Variants in SEC24C observed in about 807,000 individuals in gnomAD.
The protein encoded by SEC24C is protein transport protein Sec24C.
In SEC24C, 22 loss-of-function variants were observed where a neutral mutation model predicts 117.0. The observed-to-expected ratio is 0.19, with a 90% confidence interval of 0.13 to 0.27. The LOEUF is 0.27. Ranked by LOEUF, SEC24C falls within the 10% of genes least tolerant of loss-of-function variation. SEC24C has a pLI of 1.00. For synonymous variants in SEC24C, 506 were observed against 529.4 expected (o/e 0.96, Z 0.61); for missense variants, 1,155 against 1,375.1 (o/e 0.84, Z 2.53).
intron 6 of SEC24C, among the ~76,000 whole-genome samples, chr10:73,762,572 A>G (rs924543671): frequency 1.3e-5 from 2 of 152,198 alleles, no homozygotes; most frequent in Non-Finnish European, 2.9e-5. Context: ...TGGAGTAGGA[A>G]TGTACAGATT....
intron 3 of SEC24C, among the ~76,000 whole-genome samples, chr10:73,759,167 GC>G (rs1447024173): frequency 1.2e-4 from 18 of 151,882 alleles, no homozygotes; most frequent in African/African-American, 4.4e-4. Context: ...CTGCACTTCA[GC>G]CTGGGTGGCA....
rs368640437 is a variant in SEC24C at position 73,763,500 on chromosome 10, T to C, written c.998T>C (p.Ile333Thr). ...TGCACTTCTCTGCAGATTCAGGTCA[T>C]TGAAGATGACAGGAACAACCGGGGT... Reference protein sequence around the residue: ...PDAIPSPIQVIEDDRNNRGTE... With the variant: ...PDAIPSPIQVTEDDRNNRGTE... The change falls in exon 7 of 23, where the codon ATT (isoleucine) becomes ACT (threonine). Residue 333 changes from isoleucine (I) to threonine (T), a missense_variant. Ile to Thr is a moderately conservative substitution (Grantham distance 89, BLOSUM62 -1). Coordinates refer to ENST00000345254, the MANE Select transcript of SEC24C (RefSeq NM_198597.3). The C allele has an allele frequency of 6.2e-6, 10 of 1,610,902 alleles. No individual in the cohort carries two copies. The African/African-American group carries it at 1.1e-4, about 17-fold the overall frequency.
intron 1 of SEC24C, among the ~76,000 whole-genome samples, chr10:73,745,840 G>A (rs1312574009): frequency 1.3e-5 from 2 of 152,028 alleles, no homozygotes; most frequent in East Asian, 3.9e-4. Context: ...ATGAGCCACT[G>A]TGCCTGGCCA....
intron 3 of SEC24C, among the ~76,000 whole-genome samples, chr10:73,755,934 C>G (rs2082703938): frequency 6.6e-6 from 1 of 151,712 alleles, no homozygotes; most frequent in Non-Finnish European, 1.5e-5. Context: ...TCACTGCAAC[C>G]TCTACCTCCC....
intron 3 of SEC24C, chr10:73,751,577 A>ATAAT (rs2082643191): frequency 6.5e-6 from 1 of 154,244 alleles, no homozygotes. Flanking sequence ...AAATAAATAA[A>ATAAT]ATTGATCTGA....
chr10:73,750,022 G>T (rs1173612692), intron 2 of SEC24C, among the ~76,000 whole-genome samples: 1 of 152,180 alleles, frequency 6.6e-6, no homozygotes. Flanking sequence ...GGTAAGATTT[G>T]GGAAATAATG....
chr10:73,767,755 C>A, intron 14 of SEC24C, 82 bp from the exon 15 acceptor site: 2 of 1,070,340 alleles, frequency 1.9e-6, no homozygotes, highest in Non-Finnish European at 1.3e-6. Context: ...ATTTGAATAT[C>A]CCATGCTAGA....
chr10:73,751,390 A>G (rs2082640441), intron 3 of SEC24C, 147 bp downstream of exon 3: 1 of 696,540 alleles, frequency 1.4e-6, no homozygotes, highest in East Asian at 3.2e-5. Context: ...GCAAAACCCC[A>G]TCTCTTTTCT....
chr10:73,770,281 CAA>C lies in SEC24C; in HGVS notation c.2866_2867del (p.Lys956ValfsTer4). 6.2e-7 allele frequency: 1 copy of C among 1,600,518 alleles called. No individual in the cohort carries two copies. The highest frequency in any genetic ancestry group is 8.5e-7 in the Non-Finnish European group (1 of 1,172,556). ...TTTTGCTCCCTTCCTTTTGTCTAGACAAAGTCTCCCGTTGAGAGTACTACCGA... is the reference window on the plus strand; with the variant it reads ...TTTTGCTCCCTTCCTTTTGTCTAGACAGTCTCCCGTTGAGAGTACTACCGA... On this transcript the variant is annotated frameshift_variant and splice_region_variant, in exon 21 of 23. Transcript: ENST00000345254. LOFTEE classifies it high-confidence loss of function.
chr10:73,761,981 TG>T, intron 6 of SEC24C: 1 of 595,404 alleles, frequency 1.7e-6, no homozygotes, highest in Non-Finnish European at 2.7e-6. Flanking sequence ...CAATATGAGC[TG>T]GGCTCCAGCT....
Position 73,763,512 on chromosome 10 carries a change from G to A in SEC24C, c.1010G>A (p.Arg337Lys), listed in dbSNP as rs2082828587. ...CAGATTCAGGTCATTGAAGATGACAGGAACAACCGGGGTACAGAGCCATTT... is the reference window on the plus strand; with the variant it reads ...CAGATTCAGGTCATTGAAGATGACAAGAACAACCGGGGTACAGAGCCATTT... ...PSPIQVIEDD[R>K]NNRGTEPFVT... The change falls in exon 7 of 23, where the codon AGG (arginine) becomes AAG (lysine). Residue 337 changes from arginine to lysine, a missense_variant. Physicochemically the swap from Arg to Lys is conservative, Grantham distance 26. Around this residue, in one of 2 missense-constraint regions of SEC24C, gnomAD observed 759 missense variants for 992.3 expected, o/e 0.76. Transcript: ENST00000345254. 1 of 1,613,020 alleles carries A rather than the reference G, an allele frequency of 6.2e-7. No homozygotes were observed. Among genetic ancestry groups the A allele is most frequent in the Non-Finnish European group, 8.5e-7 (1 of 1,179,280 alleles).
intron 4 of SEC24C, 42 bp downstream of exon 4, chr10:73,759,836 AG>A (rs2082768954): frequency 1.3e-6 from 2 of 1,515,536 alleles, no homozygotes; most frequent in East Asian, 4.6e-5. Flanking sequence ...TCCCCTGTTC[AG>A]AGGCATCAGA....
In SEC24C at chr10:73,751,235, G is replaced by A. The variant is rs755146407; in HGVS notation, c.300G>A (p.Gln100=). The change falls in exon 3 of 23, where the codon CAG becomes CAA. Residue 100 remains glutamine, a synonymous_variant. Transcript: ENST00000345254. Reference sequence around the variant, plus strand: ...AGAATGGGCCAAGCTCCACTGTTCAGATGCAAAGGTAGGTACTTGGTCAAT... The same window carrying A: ...AGAATGGGCCAAGCTCCACTGTTCAAATGCAAAGGTAGGTACTTGGTCAAT... ...DVQNGPSSTV[Q]MQRLPGSQPF... is the part of the protein sequence containing the mutation. 26 of 1,613,610 alleles carry A rather than the reference G, an allele frequency of 1.6e-5. No homozygotes were observed. The highest frequency in any genetic ancestry group is 1.6e-4 in the Middle Eastern group (1 of 6,082).
chr10:73,746,814 A>G lies in SEC24C; in HGVS notation c.-19A>G. On this transcript the variant is annotated 5_prime_UTR_variant, in exon 2 of 23. Coordinates refer to ENST00000345254, the MANE Select transcript of SEC24C (RefSeq NM_198597.3). The stretch of plus-strand genomic sequence containing the variant: ...CTCCTCTCTCTCACAGGTGAGATCA[A>G]ATTGGGAATGCTTTCATAATGAACG... The G allele has an allele frequency of 6.3e-7, 1 of 1,591,230 alleles. No homozygotes were observed. Among genetic ancestry groups the G allele is most frequent in the Non-Finnish European group, 8.6e-7 (1 of 1,165,508 alleles).
rs191772843 is a variant in SEC24C, at chr10:73,752,551, T to A, written c.308+1308T>A. ...GAACACACATTTTAAGCATTGAATG[T>A]AAGCCTGGGTAAGTCAAACAAGTGG... On this transcript the variant is annotated intron_variant, in intron 3 of 22. Transcript: ENST00000345254. 3.2e-3 allele frequency among the ~76,000 whole-genome samples: 488 copies of A among 152,332 alleles called. 2 individuals carry two copies. The highest frequency in any genetic ancestry group is 6.8e-3 in the Middle Eastern group (2 of 294).
At chr10:73,746,642 A>G in intron 1 of SEC24C, 163 bp from the exon 2 acceptor site, 1 of 483,970 alleles carries the variant, frequency 2.1e-6, no homozygotes, top group Non-Finnish European at 3.6e-6. Context: ...GATAATCTGA[A>G]TGCTGGCTGG....
At chr10:73,761,833 G>A (rs2082801995) in intron 6 of SEC24C, among the ~76,000 whole-genome samples, 2 of 152,024 alleles carry the variant, frequency 1.3e-5, no homozygotes. Context: ...TTCAGCCTCA[G>A]CCCCTCCCTG....
chr10:73,759,841 C>CCTCTG, intron 4 of SEC24C, 47 bp downstream of exon 4: 1 of 1,508,970 alleles, frequency 6.6e-7, no homozygotes, highest in Non-Finnish European at 8.9e-7. Context: ...TGTTCAGAGG[C>CCTCTG]ATCAGACTCT....
At chr10:73,767,195 G>A (rs767183652) in intron 14 of SEC24C, 25 bp downstream of exon 14, 1 of 1,507,508 alleles carries the variant, frequency 6.6e-7, no homozygotes. Context: ...AATGGGGGAG[G>A]GGAAGGATTT....
Sources: allele counts gnomAD v4.1 joint callset (sites outside exome capture counted in the v4.1 genomes callset), GRCh38; gene constraint gnomAD v4.1.1; regional missense constraint gnomAD v4.1.1; transcripts MANE v1.5; gene names NCBI Gene and HGNC (gene_info 2026-07-23, HGNC 2026-07-21).